Variants in ARRB1 observed in about 807,000 individuals in gnomAD.
ARRB1 encodes beta-arrestin-1.
A neutral mutation model predicts 56.8 loss-of-function variants in ARRB1; 21 were observed. The ratio of observed to expected loss-of-function variants is 0.37; its 90% CI spans 0.26 to 0.53. The LOEUF (loss-of-function observed/expected upper bound fraction) is 0.53, where lower values mean the gene tolerates loss of function less well. Among genes scored for constraint, ARRB1 ranks in the 20% least tolerant of loss-of-function variants. The pLI is 0.88. For missense variants in ARRB1, 424 were observed against 553.7 expected, an observed-to-expected ratio of 0.77 and a Z score of 2.35; for synonymous variants, 210 against 218.6, an observed-to-expected ratio of 0.96 and a Z score of 0.35.
chr11:75,275,500 C>A (rs1176210236), intron 10 of ARRB1, among the ~76,000 whole-genome samples: 1 of 152,168 alleles, frequency 6.6e-6, no homozygotes, highest in South Asian at 2.1e-4. Flanking sequence ...ATAAATGAAG[C>A]TATTTGGGCA....
Position 75,265,076 on chromosome 11 carries a change from T to C in ARRB1, c.*1087A>G, listed in dbSNP as rs1187579826. 6.6e-6 allele frequency: 1 copy of C among 152,218 alleles called. No individual in the cohort carries two copies. The highest frequency in any genetic ancestry group is 1.9e-4 in the East Asian group (1 of 5,194). The allele number at this position is 152,218 out of a possible 1,614,324, so 9.4% of individuals were successfully genotyped here. A position where few individuals can be genotyped will look rare whatever the true frequency, so the allele number is the denominator to read the frequency against. On this transcript the variant is annotated 3_prime_UTR_variant, in exon 16 of 16. Transcript: ENST00000420843. ...CAGTGGATGCTGCCACCTTCTGAGA[T>C]AGGACCCCCTTTGACTGTGGCATGG...
At chr11:75,339,789 A>G (rs1947667593) in intron 1 of ARRB1, among the ~76,000 whole-genome samples, 1 of 152,204 alleles carries the variant, frequency 6.6e-6, no homozygotes, top group African/African-American at 2.4e-5. Flanking sequence ...GGTGCCCAGC[A>G]CAGGGCCCGG....
At chr11:75,278,501 A>T in intron 8 of ARRB1, 108 bp downstream of exon 8, 1 of 1,481,166 alleles carries the variant, frequency 6.8e-7, no homozygotes, top group Non-Finnish European at 9.1e-7. Flanking sequence ...TGGGCTGGGG[A>T]TAGAAGCTCC....
At chr11:75,340,214 C>T (rs749632251) in intron 1 of ARRB1, among the ~76,000 whole-genome samples, 4 of 152,220 alleles carry the variant, frequency 2.6e-5, no homozygotes, top group Non-Finnish European at 4.4e-5. Context: ...TATCTCAGGA[C>T]GAGGCCTGTT....
At chr11:75,319,450 T>C (rs988825159) in intron 1 of ARRB1, among the ~76,000 whole-genome samples, 1 of 152,218 alleles carries the variant, frequency 6.6e-6, no homozygotes, top group African/African-American at 2.4e-5. Context: ...TTTCAGACTT[T>C]GCACAGGCTG....
intron 1 of ARRB1, among the ~76,000 whole-genome samples, chr11:75,315,768 C>A (rs957903461): frequency 2.6e-5 from 4 of 152,172 alleles, no homozygotes; most frequent in Admixed American, 6.5e-5. Context: ...ATCAGACCAT[C>A]CACCAGGATA....
intron 10 of ARRB1, among the ~76,000 whole-genome samples, chr11:75,276,353 T>A (rs1245723831): frequency 2.0e-5 from 3 of 152,198 alleles, no homozygotes; most frequent in Non-Finnish European, 4.4e-5. Context: ...ACCATAGCAG[T>A]TCTCCTCAAA....
chr11:75,283,267 C>A lies in ARRB1; in HGVS notation c.354+20G>T. The A allele has an allele frequency of 6.3e-7, 1 of 1,574,910 alleles. No individual in the cohort carries two copies. Among genetic ancestry groups the A allele is most frequent in the Non-Finnish European group, 8.6e-7 (1 of 1,156,518 alleles). On this transcript the variant is annotated intron_variant, in intron 5 of 15. Coordinates refer to ENST00000420843, the MANE Select transcript of ARRB1 (RefSeq NM_004041.5). ...AGGTGGCATTTCTGGAATGGGGCCC[C>A]AGGGATGGCAGTTCCTGACCTCAAA...
chr11:75,279,769 G>A (rs540892916), intron 7 of ARRB1, among the ~76,000 whole-genome samples: 16 of 152,284 alleles, frequency 1.1e-4, no homozygotes, highest in Admixed American at 1.0e-3. Flanking sequence ...CCAGCTTCAA[G>A]CAATTCTCCT....
chr11:75,321,939 G>A (rs1382858897), intron 1 of ARRB1, among the ~76,000 whole-genome samples: 1 of 152,200 alleles, frequency 6.6e-6, no homozygotes, highest in Non-Finnish European at 1.5e-5. Context: ...CAACTCCTTT[G>A]GTTACCATGA....
At chr11:75,273,025 G>A in intron 11 of ARRB1, 47 bp from the exon 12 acceptor site, 1 of 1,561,426 alleles carries the variant, frequency 6.4e-7, no homozygotes, top group East Asian at 2.3e-5. Flanking sequence ...TGCCAGGTGG[G>A]CGAGACACCT....
intron 1 of ARRB1, among the ~76,000 whole-genome samples, chr11:75,291,710 G>A (rs767219716): frequency 6.6e-6 from 1 of 152,214 alleles, no homozygotes; most frequent in Non-Finnish European, 1.5e-5. Context: ...CGAGATAAGA[G>A]AGGGGGTTGG....
At chr11:75,328,757 C>A (rs1320602617) in intron 1 of ARRB1, among the ~76,000 whole-genome samples, 1 of 152,212 alleles carries the variant, frequency 6.6e-6, no homozygotes, top group African/African-American at 2.4e-5. Context: ...GCCAAGGAGT[C>A]CCAGGATCCA....
chr11:75,302,304 C>A (rs1946923481), intron 1 of ARRB1, among the ~76,000 whole-genome samples: 1 of 152,324 alleles, frequency 6.6e-6, no homozygotes, highest in South Asian at 2.1e-4. Flanking sequence ...GGGTTCACTT[C>A]TTTGGCCATG....
At chr11:75,275,092 G>A (rs1046068656) in intron 10 of ARRB1, among the ~76,000 whole-genome samples, 17 of 143,236 alleles carry the variant, frequency 1.2e-4, no homozygotes, top group African/African-American at 3.7e-4. Flanking sequence ...GCAACAGAGT[G>A]AAACTCTGTC....
chr11:75,335,204 T>C, intron 1 of ARRB1: 1 of 208,790 alleles, frequency 4.8e-6, no homozygotes. Context: ...AAGACATTCC[T>C]TCTTCTTGAT....
At position 75,290,003 on chromosome 11, in the gene ARRB1, A is replaced by T. The variant is rs1367732839; in HGVS notation, c.51+6T>A. On this transcript the variant is annotated splice_donor_region_variant and intron_variant, in intron 2 of 15. Coordinates refer to ENST00000420843, the MANE Select transcript of ARRB1 (RefSeq NM_004041.5). ...GAGGCGCTGGGCGCAGCTGTTACAG[A>T]CTCACCTTTCCATTTGGACTGGCCT... 1 of 1,614,126 alleles carries T rather than the reference A, an allele frequency of 6.2e-7. No homozygotes were observed. The highest frequency in any genetic ancestry group is 1.1e-5 in the South Asian group (1 of 91,084).
At chr11:75,291,041 C>T (rs1447554615) in intron 1 of ARRB1, among the ~76,000 whole-genome samples, 1 of 152,200 alleles carries the variant, frequency 6.6e-6, no homozygotes, top group Non-Finnish European at 1.5e-5. Flanking sequence ...CCCAGAACAG[C>T]ACTGCAATCA....
At chr11:75,298,544 A>G (rs570358768) in intron 1 of ARRB1, among the ~76,000 whole-genome samples, 9 of 152,344 alleles carry the variant, frequency 5.9e-5, no homozygotes, top group Non-Finnish European at 1.3e-4. Flanking sequence ...ATAAGTGTGG[A>G]CAGGAGTGTG....
Sources: gnomAD v4.1 joint callset for allele counts (sites outside exome capture counted in the v4.1 genomes callset) on GRCh38, gnomAD v4.1.1 for gene constraint, MANE v1.5 for transcripts, NCBI Gene and HGNC (gene_info 2026-07-23, HGNC 2026-07-21) for gene names.